The following SWT1 variants were observed in gnomAD, a reference collection of about 807,000 sequenced individuals.
SWT1 encodes the protein transcriptional protein SWT1.
In SWT1, 33 loss-of-function variants were observed where a neutral mutation model predicts 107.3. The observed-to-expected ratio is 0.31, with a 90% CI of 0.23 to 0.41. The LOEUF (loss-of-function observed/expected upper bound fraction) is 0.41, where lower values mean the gene tolerates loss of function less well. Ranked by LOEUF, SWT1 falls within the 10% of genes least tolerant of loss-of-function variation. The pLI, the probability that SWT1 is intolerant of heterozygous loss-of-function variation, is 1.00. For synonymous variants in SWT1, 345 were observed against 348.3 expected, an observed-to-expected ratio of 0.99 and a Z score of 0.11; for missense variants, 898 against 1,028.9, an observed-to-expected ratio of 0.87 and a Z score of 1.74.
chr1:185,164,497 C>T (rs758275102), intron 2 of SWT1, among the ~76,000 whole-genome samples: 7 of 152,266 alleles, frequency 4.6e-5, no homozygotes, highest in South Asian at 2.1e-4. Flanking sequence ...GTTGAAAATC[C>T]GTTGTTTAGT....
At chr1:185,206,575 A>G in intron 12 of SWT1, 50 bp from the exon 13 acceptor site, 1 of 1,156,270 alleles carries the variant, frequency 8.6e-7, no homozygotes. Flanking sequence ...CTTTTTAATA[A>G]TTGGAATAAT....
chr1:185,162,311 C>T (rs940356826), intron 2 of SWT1, among the ~76,000 whole-genome samples: 2 of 152,246 alleles, frequency 1.3e-5, no homozygotes, highest in African/African-American at 4.8e-5. Context: ...AAGACCTCAT[C>T]TGACATGGCA....
chr1:185,169,215 A>G (rs1654837651), intron 4 of SWT1, among the ~76,000 whole-genome samples: 1 of 149,384 alleles, frequency 6.7e-6, no homozygotes, highest in Admixed American at 6.7e-5. Flanking sequence ...CACTAATTTC[A>G]TATTATGTTG....
rs552157736 is a variant in SWT1 at position 185,168,232 on chromosome 1, C to A, written c.166-108C>A. The A allele has an allele frequency of 2.5e-4, 159 of 636,258 alleles. 1 individual carries two copies. In the African/African-American group the frequency reaches 3.0e-3, roughly 12 times the overall value. The allele number at this position is 636,258 out of a possible 1,614,324, so 39.4% of individuals were successfully genotyped here. On this transcript the variant is annotated intron_variant, in intron 3 of 18. Coordinates refer to ENST00000367500, the MANE Select transcript of SWT1 (RefSeq NM_017673.7). ...TGATAATATCCATCTCACCGGATTA[C>A]TGGAAAGATTAAGTAAAAGTATTGT...
At chr1:185,191,878 C>T (rs377421727) in intron 10 of SWT1, among the ~76,000 whole-genome samples, 7 of 151,972 alleles carry the variant, frequency 4.6e-5, no homozygotes, top group South Asian at 4.1e-4. Flanking sequence ...TATTTTTTAG[C>T]GACTGAAAAT....
intron 13 of SWT1, among the ~76,000 whole-genome samples, chr1:185,210,420 G>T (rs144182172): frequency 6.6e-6 from 1 of 152,010 alleles, no homozygotes; most frequent in African/African-American, 2.4e-5. Flanking sequence ...GAAGGGATCC[G>T]GTTTCAGCTT....
intron 9 of SWT1, among the ~76,000 whole-genome samples, chr1:185,190,087 A>T (rs550738514): frequency 6.6e-6 from 1 of 152,276 alleles, no homozygotes; most frequent in South Asian, 2.1e-4. Flanking sequence ...ACCTCAAGTG[A>T]TCTGCACACC....
At chr1:185,269,171 G>A (rs1663649809) in intron 16 of SWT1, among the ~76,000 whole-genome samples, 1 of 151,996 alleles carries the variant, frequency 6.6e-6, no homozygotes, top group Non-Finnish European at 1.5e-5. Flanking sequence ...GTTTTCACTT[G>A]GTTACCAAGT....
At chr1:185,283,864 C>T (rs1664792363) in intron 18 of SWT1, among the ~76,000 whole-genome samples, 1 of 152,114 alleles carries the variant, frequency 6.6e-6, no homozygotes, top group African/African-American at 2.4e-5. Flanking sequence ...ATACACACCA[C>T]ATTTTGTTTA....
intron 16 of SWT1, among the ~76,000 whole-genome samples, chr1:185,265,327 T>G (rs1055157381): frequency 6.6e-6 from 1 of 152,224 alleles, no homozygotes; most frequent in Non-Finnish European, 1.5e-5. Flanking sequence ...TGGCTAGCTC[T>G]CATTTGCATA....
chr1:185,223,923 G>T (rs1175640622), intron 15 of SWT1, among the ~76,000 whole-genome samples: 1 of 152,060 alleles, frequency 6.6e-6, no homozygotes, highest in Admixed American at 6.6e-5. Context: ...TCCTGCATTA[G>T]TTTGCTAAGG....
intron 16 of SWT1, among the ~76,000 whole-genome samples, chr1:185,243,046 G>GTTATATAA (rs1661353904): frequency 6.6e-6 from 1 of 152,146 alleles, no homozygotes; most frequent in Non-Finnish European, 1.5e-5. Flanking sequence ...TTCTTACAAA[G>GTTATATAA]CAGTTATATA....
chr1:185,290,962 T>C lies in SWT1; in HGVS notation c.*159T>C. ...CTATTACTGACAGTCTCATTGTAGC[T>C]CTAAAAAGCCTAATGTATCCACTGT... is the stretch of plus-strand genomic sequence containing the variant. On this transcript the variant is annotated 3_prime_UTR_variant, in exon 19 of 19. Coordinates refer to ENST00000367500, the MANE Select transcript of SWT1 (RefSeq NM_017673.7). 2.0e-6 allele frequency: 1 copy of C among 492,838 alleles called. No homozygotes were observed. Among genetic ancestry groups the C allele is most frequent in the Non-Finnish European group, 3.4e-6 (1 of 293,954 alleles). 30.5% of individuals were successfully genotyped at this position (492,838 alleles called of 1,614,324 possible).
At chr1:185,286,591 A>G (rs988768394) in intron 18 of SWT1, among the ~76,000 whole-genome samples, 6 of 152,134 alleles carry the variant, frequency 3.9e-5, no homozygotes, top group African/African-American at 1.2e-4. Flanking sequence ...TGATGCTATC[A>G]TAAGTGGAAT....
intron 16 of SWT1, among the ~76,000 whole-genome samples, chr1:185,248,911 G>C (rs1167507897): frequency 6.6e-6 from 1 of 151,910 alleles, no homozygotes. Flanking sequence ...TTACTCTCAT[G>C]TTCTGGTATC....
intron 15 of SWT1, among the ~76,000 whole-genome samples, chr1:185,225,536 G>C (rs1571552612): frequency 6.6e-6 from 1 of 152,184 alleles, no homozygotes; most frequent in East Asian, 1.9e-4. Context: ...AAGCCATCAG[G>C]TTCCAGAATT....
intron 13 of SWT1, 77 bp from the exon 14 acceptor site, chr1:185,214,430 A>T: frequency 8.8e-7 from 1 of 1,132,048 alleles, no homozygotes. Flanking sequence ...TTCAAAATTA[A>T]TATTAGTGTT....
chr1:185,160,964 A>G, intron 2 of SWT1, 39 bp downstream of exon 2: 2 of 1,460,754 alleles, frequency 1.4e-6, no homozygotes, highest in South Asian at 2.4e-5. Context: ...ATACATTTCA[A>G]TTTATTTTTG....
At chr1:185,254,496 G>A (rs1662317690) in intron 16 of SWT1, among the ~76,000 whole-genome samples, 1 of 142,258 alleles carries the variant, frequency 7.0e-6, no homozygotes, top group Non-Finnish European at 1.5e-5. Flanking sequence ...CTTCTTCCTG[G>A]TTTAGTCTTG....
Sources: gnomAD v4.1 joint callset for allele counts (sites outside exome capture counted in the v4.1 genomes callset) on GRCh38, gnomAD v4.1.1 for gene constraint, MANE v1.5 for transcripts, NCBI Gene and HGNC (gene_info 2026-07-23, HGNC 2026-07-21) for gene names.